CACNG2: variants seen among roughly 807,000 people sequenced by gnomAD.
CACNG2 encodes the protein voltage-dependent calcium channel gamma-2 subunit.
In CACNG2, 3 loss-of-function variants were observed where a neutral mutation model predicts 25.9. The ratio of observed to expected loss-of-function variants is 0.12; its 90% confidence interval spans 0.05 to 0.30. CACNG2 has a LOEUF of 0.30. Ranked by LOEUF, CACNG2 falls within the 10% of genes least tolerant of loss-of-function variation. The pLI is 1.00. For synonymous variants in CACNG2, 167 were observed against 173.3 expected (o/e 0.96, Z 0.29); for missense variants, 341 against 432.5 (o/e 0.79, Z 1.88).
chr22:36,680,802 A>G (rs1317367104), intron 1 of CACNG2, among the ~76,000 whole-genome samples: 2 of 146,360 alleles, frequency 1.4e-5, no homozygotes, highest in African/African-American at 2.6e-5. Context: ...GTCACCATCA[A>G]TCACCACCAC....
chr22:36,575,040 TTAGTGACCA>T (rs1203197743), intron 2 of CACNG2, among the ~76,000 whole-genome samples: 2 of 152,114 alleles, frequency 1.3e-5, no homozygotes, highest in Non-Finnish European at 2.9e-5. Context: ...GCCCCAATGG[TTAGTGACCA>T]TCTCAAGAAG....
chr22:36,699,189 C>T (rs1027033302), intron 1 of CACNG2, among the ~76,000 whole-genome samples: 4 of 151,940 alleles, frequency 2.6e-5, no homozygotes, highest in Non-Finnish European at 2.9e-5. Flanking sequence ...CTCCCACCCA[C>T]GCTCCTCGAA....
At chr22:36,617,610 A>C (rs1276872340) in intron 1 of CACNG2, among the ~76,000 whole-genome samples, 2 of 148,812 alleles carry the variant, frequency 1.3e-5, no homozygotes, top group Non-Finnish European at 3.0e-5. Flanking sequence ...GAAATCCAGT[A>C]AAACCCTGAT....
intron 1 of CACNG2, among the ~76,000 whole-genome samples, chr22:36,642,414 C>T (rs75191616): frequency 0.022 from 3,405 of 152,246 alleles, 124 homozygotes; most frequent in African/African-American, 0.077. Context: ...GTGCTGAAGC[C>T]TTTGGCTGTG....
At chr22:36,608,972 C>T (rs1569028146) in intron 1 of CACNG2, among the ~76,000 whole-genome samples, 1 of 152,052 alleles carries the variant, frequency 6.6e-6, no homozygotes, top group Non-Finnish European at 1.5e-5. Context: ...AAATGTGACT[C>T]TCAGTGTTTC....
intron 2 of CACNG2, among the ~76,000 whole-genome samples, chr22:36,579,297 G>A (rs1935374143): frequency 6.6e-6 from 1 of 151,542 alleles, no homozygotes; most frequent in Admixed American, 6.6e-5. Flanking sequence ...CCAGCTACTT[G>A]GGAGGATGAG....
At chr22:36,627,519 T>A (rs1364320024) in intron 1 of CACNG2, among the ~76,000 whole-genome samples, 1 of 152,150 alleles carries the variant, frequency 6.6e-6, no homozygotes, top group African/African-American at 2.4e-5. Flanking sequence ...GAGATAACGG[T>A]GACCCACAGC....
At chr22:36,665,811 G>T (rs1936867229) in intron 1 of CACNG2, among the ~76,000 whole-genome samples, 1 of 152,148 alleles carries the variant, frequency 6.6e-6, no homozygotes, top group Non-Finnish European at 1.5e-5. Context: ...AATGTAAAAT[G>T]GTATAGCCAC....
At chr22:36,627,404 CTTTG>C (rs900019093) in intron 1 of CACNG2, among the ~76,000 whole-genome samples, 24 of 151,562 alleles carry the variant, frequency 1.6e-4, no homozygotes, top group Admixed American at 9.2e-4. Flanking sequence ...TAGCATTATA[CTTTG>C]TTTGTGATTT....
chr22:36,599,703 GA>G (rs947033653), intron 1 of CACNG2, among the ~76,000 whole-genome samples: 249 of 147,708 alleles, frequency 1.7e-3, no homozygotes, highest in African/African-American at 5.7e-3. Flanking sequence ...CTGTCTCAAA[GA>G]AAAAAAAAAG....
intron 1 of CACNG2, among the ~76,000 whole-genome samples, chr22:36,625,345 C>T (rs1055393491): frequency 6.6e-5 from 10 of 152,136 alleles, no homozygotes; most frequent in African/African-American, 2.4e-4. Context: ...GGCCTTTCTT[C>T]ACTCTGTAAT....
chr22:36,627,340 T>C (rs966617278), intron 1 of CACNG2, among the ~76,000 whole-genome samples: 2 of 148,548 alleles, frequency 1.3e-5, no homozygotes, highest in East Asian at 2.0e-4. Context: ...AGAAAATGAA[T>C]GAGAGAATCA....
intron 1 of CACNG2, among the ~76,000 whole-genome samples, chr22:36,635,375 G>T (rs1161398248): frequency 1.3e-5 from 2 of 152,056 alleles, no homozygotes; most frequent in Non-Finnish European, 2.9e-5. Flanking sequence ...CTCTTAGCAG[G>T]TATTCATTGC....
rs1935094190 is a variant in CACNG2, at chr22:36,564,617, G to A, written c.706C>T (p.Arg236Cys). 6.2e-7 allele frequency: 1 copy of A among 1,613,778 alleles called. No homozygotes were observed. Among genetic ancestry groups the A allele is most frequent in the Admixed American group, 1.7e-5 (1 of 60,000 alleles). Residue 236 changes from arginine (R) to cysteine (C), a missense_variant, in exon 4 of 4, where the codon CGC becomes TGC. By Grantham distance (180) the Arg-to-Cys change is radical. Coordinates refer to ENST00000300105, the MANE Select transcript of CACNG2 (RefSeq NM_006078.5). The surrounding 1 kb of genome is among the most constrained non-coding windows in gnomAD (Gnocchi z 6.7). Reference sequence around the variant, plus strand: ...GTGGAGCGCGAGCTGGAGCGGCTGCGGCGCTGGTAGCGGTAGCGGTAGCTG... The same window carrying A: ...GTGGAGCGCGAGCTGGAGCGGCTGCAGCGCTGGTAGCGGTAGCGGTAGCTG... The part of the protein sequence containing the change: ...IPSYRYRYQR[R>C]SRSSSRSTEP...
chr22:36,688,560 A>G (rs988125572), intron 1 of CACNG2, among the ~76,000 whole-genome samples: 5 of 151,086 alleles, frequency 3.3e-5, no homozygotes, highest in Non-Finnish European at 7.4e-5. Context: ...AAAAAAAAAA[A>G]GTAGCTGAAA....
chr22:36,610,739 A>T (rs1194682985), intron 1 of CACNG2, among the ~76,000 whole-genome samples: 1 of 152,182 alleles, frequency 6.6e-6, no homozygotes, highest in Non-Finnish European at 1.5e-5. Context: ...TACTGAGAGA[A>T]GTTGCAGCTG....
At chr22:36,678,456 A>C (rs1446310332) in intron 1 of CACNG2, among the ~76,000 whole-genome samples, 1 of 151,242 alleles carries the variant, frequency 6.6e-6, no homozygotes, top group Admixed American at 6.6e-5. Flanking sequence ...ATTACCTTCT[A>C]CTACCCTCTC....
intron 1 of CACNG2, among the ~76,000 whole-genome samples, chr22:36,609,211 A>T (rs201021506): frequency 2.1e-5 from 2 of 95,236 alleles, no homozygotes; most frequent in African/African-American, 4.1e-5. Context: ...AGGAATCAGC[A>T]CCCCCAGAGC....
chr22:36,667,271 T>C (rs1379189958), intron 1 of CACNG2, among the ~76,000 whole-genome samples: 2 of 152,206 alleles, frequency 1.3e-5, no homozygotes, highest in African/African-American at 2.4e-5. Context: ...CTTTTAAGAC[T>C]CAGCTCCCAC....
Sources: gnomAD v4.1 joint callset for allele counts (sites outside exome capture counted in the v4.1 genomes callset) on GRCh38, gnomAD v4.1.1 for gene constraint, Gnocchi (gnomAD v3.1) non-coding constraint, MANE v1.5 for transcripts, NCBI Gene and HGNC (gene_info 2026-07-23, HGNC 2026-07-21) for gene names.